RNF169: variants seen among roughly 807,000 people sequenced by gnomAD.
RNF169 encodes E3 ubiquitin-protein ligase RNF169.
In RNF169, 24 loss-of-function variants were observed where a neutral mutation model predicts 53.9. The ratio of observed to expected loss-of-function variants is 0.45; its 90% CI spans 0.32 to 0.63. The LOEUF is 0.63. RNF169 is among the 20% of genes least tolerant of loss of function. RNF169 has a pLI of 0.04. For synonymous variants in RNF169, 396 were observed against 363.5 expected (o/e 1.09, Z -1.02); for missense variants, 883 against 906.2 (o/e 0.97, Z 0.33).
At chr11:74,823,313 CA>C (rs1292896816) in intron 4 of RNF169, among the ~76,000 whole-genome samples, 1 of 152,080 alleles carries the variant, frequency 6.6e-6, no homozygotes, top group Non-Finnish European at 1.5e-5. Flanking sequence ...GCAAAATTGG[CA>C]GAGCAGGGAA....
intron 2 of RNF169, among the ~76,000 whole-genome samples, chr11:74,803,658 G>A (rs1285964316): frequency 6.6e-6 from 1 of 152,062 alleles, no homozygotes; most frequent in Non-Finnish European, 1.5e-5. Context: ...CAGCACCTGA[G>A]GTTTGTTAAC....
intron 2 of RNF169, among the ~76,000 whole-genome samples, chr11:74,802,935 G>C (rs949449309): frequency 1.3e-5 from 2 of 150,244 alleles, no homozygotes; most frequent in East Asian, 2.0e-4. Context: ...TTTGGGGGGG[G>C]GTGGGGACGG....
intron 1 of RNF169, among the ~76,000 whole-genome samples, chr11:74,764,317 C>T (rs1334437384): frequency 2.0e-5 from 3 of 151,996 alleles, no homozygotes; most frequent in Non-Finnish European, 2.9e-5. Context: ...GCGGATCGCT[C>T]AAGGTCAGGA....
rs544284678 is a variant in RNF169 at position 74,841,832 on chromosome 11, T to C, written c.*5102T>C. 2.6e-5 allele frequency: 4 copies of C among 152,350 alleles called. No homozygotes were observed. The highest frequency in any genetic ancestry group is 2.1e-4 in the South Asian group (1 of 4,828). The allele number at this position is 152,350 out of a possible 1,614,324, so 9.4% of individuals were successfully genotyped here. A position where few individuals can be genotyped will look rare whatever the true frequency, so the allele number is the denominator to read the frequency against. On this transcript the variant is annotated 3_prime_UTR_variant, in exon 6 of 6. Transcript: ENST00000299563. ...CCAGATTAATATAGCAGCAGGCAGA[T>C]TGCCCCTTCTTGGGGCCACCACCCT...
At chr11:74,807,119 C>A (rs1448556796) in intron 2 of RNF169, among the ~76,000 whole-genome samples, 1 of 152,038 alleles carries the variant, frequency 6.6e-6, no homozygotes, top group East Asian at 1.9e-4. Flanking sequence ...TAGTGGATGG[C>A]TTCATTCTAT....
chr11:74,825,793 T>TA (rs2036086034), intron 4 of RNF169, among the ~76,000 whole-genome samples: 8 of 152,204 alleles, frequency 5.3e-5, no homozygotes, highest in Admixed American at 3.9e-4. Flanking sequence ...TCAAAAAGCT[T>TA]ATCTGTCATG....
intron 2 of RNF169, among the ~76,000 whole-genome samples, chr11:74,790,379 T>G (rs1019600210): frequency 5.3e-5 from 8 of 152,210 alleles, no homozygotes; most frequent in African/African-American, 1.9e-4. Flanking sequence ...GCATCTAATA[T>G]TTTATAAATG....
chr11:74,750,593 T>A (rs1312492308), intron 1 of RNF169, among the ~76,000 whole-genome samples: 1 of 85,496 alleles, frequency 1.2e-5, no homozygotes, highest in African/African-American at 4.3e-5. Context: ...CTCACCTTTT[T>A]TTTTTTTTTT....
chr11:74,817,672 T>C lies in RNF169; in HGVS notation c.800T>C (p.Phe267Ser). 6.2e-7 allele frequency: 1 copy of C among 1,613,966 alleles called. No individual in the cohort carries two copies. Among genetic ancestry groups the C allele is most frequent in the South Asian group, 1.1e-5 (1 of 91,072 alleles). ...GQMTQTHRSA[F>S]VSKNNSYSLA... is the part of the protein sequence containing the mutation. ...ATGACACAGACACATCGCTCGGCAT[T>C]TGTTTCCAAGAACAACTCCTACTCC... The change falls in exon 4 of 6, where the codon TTT (phenylalanine) becomes TCT (serine). Residue 267 changes from phenylalanine (F) to serine (S), a missense_variant. By Grantham distance (155) the Phe-to-Ser change is radical. Transcript: ENST00000299563.
At chr11:74,751,800 A>G (rs1051471195) in intron 1 of RNF169, among the ~76,000 whole-genome samples, 3 of 152,252 alleles carry the variant, frequency 2.0e-5, no homozygotes, top group African/African-American at 4.8e-5. Flanking sequence ...AAATATTGCC[A>G]AAAGGCTTAG....
intron 2 of RNF169, among the ~76,000 whole-genome samples, chr11:74,793,626 G>A (rs2035608880): frequency 6.6e-6 from 1 of 152,190 alleles, no homozygotes; most frequent in Admixed American, 6.5e-5. Context: ...GGCCTACTAA[G>A]GACAGGGAGC....
intron 1 of RNF169, among the ~76,000 whole-genome samples, chr11:74,750,404 G>A (rs892705861): frequency 6.6e-6 from 1 of 151,980 alleles, no homozygotes; most frequent in Non-Finnish European, 1.5e-5. Flanking sequence ...TTTGGGTAAG[G>A]AAAGAGAGGC....
At chr11:74,763,503 AAC>A (rs901294083) in intron 1 of RNF169, among the ~76,000 whole-genome samples, 2 of 152,220 alleles carry the variant, frequency 1.3e-5, no homozygotes, top group African/African-American at 2.4e-5. Context: ...AGCATTATGA[AAC>A]ACACACATTT....
In RNF169 at chr11:74,836,354, G is replaced by T; in HGVS notation, c.1751G>T (p.Gly584Val). The change falls in exon 6 of 6, where the codon GGT becomes GTT. Residue 584 changes from glycine to valine, a missense_variant. By Grantham distance (109) the Gly-to-Val change is moderately radical. Transcript: ENST00000299563. Reference protein sequence around the residue: ...NSVLPQNSVLGGVLKTKQQLK... With the variant: ...NSVLPQNSVLVGVLKTKQQLK... ...GTGCTACCCCAAAACAGTGTTTTGG[G>T]TGGAGTCCTCAAAACAAAGCAACAA... 6.2e-7 allele frequency: 1 copy of T among 1,614,184 alleles called. No homozygotes were observed. The highest frequency in any genetic ancestry group is 8.5e-7 in the Non-Finnish European group (1 of 1,180,030).
intron 4 of RNF169, chr11:74,831,149 A>G (rs1205107794): frequency 6.6e-6 from 1 of 152,230 alleles, no homozygotes; most frequent in Admixed American, 6.5e-5. Flanking sequence ...AATTCTAGCC[A>G]GAAGAATTGG....
chr11:74,836,951 T>C lies in RNF169; in HGVS notation c.*221T>C, dbSNP rs1048449988. 2 of 467,196 alleles carry C rather than the reference T, an allele frequency of 4.3e-6. No individual in the cohort carries two copies. The highest frequency in any genetic ancestry group is 2.0e-5 in the African/African-American group (1 of 51,034). The allele number at this position is 467,196 out of a possible 1,614,324, so 28.9% of individuals were successfully genotyped here. On this transcript the variant is annotated 3_prime_UTR_variant, in exon 6 of 6. Coordinates refer to ENST00000299563, the MANE Select transcript of RNF169 (RefSeq NM_001098638.2). ...TGAGTGACCCATCCCTAAGGGCTTC[T>C]GGGCCAAACCTGGCAGCACCCACTG...
intron 1 of RNF169, among the ~76,000 whole-genome samples, chr11:74,758,505 C>CTT (rs967760598): frequency 3.5e-5 from 5 of 143,912 alleles, no homozygotes; most frequent in Non-Finnish European, 4.6e-5. Context: ...TCCATATGAA[C>CTT]TTTTTTTTTT....
At chr11:74,803,445 T>C (rs958348526) in intron 2 of RNF169, among the ~76,000 whole-genome samples, 5 of 152,204 alleles carry the variant, frequency 3.3e-5, no homozygotes, top group Non-Finnish European at 5.9e-5. Flanking sequence ...CTGGGTGTTA[T>C]GAAATATATT....
At chr11:74,764,290 T>C (rs796558801) in intron 1 of RNF169, among the ~76,000 whole-genome samples, 42 of 152,340 alleles carry the variant, frequency 2.8e-4, no homozygotes, top group African/African-American at 1.0e-3. Flanking sequence ...TCCCAGCACT[T>C]TGGGAGGCCG....
Sources: gnomAD v4.1 joint callset for allele counts (sites outside exome capture counted in the v4.1 genomes callset) on GRCh38, gnomAD v4.1.1 for gene constraint, MANE v1.5 for transcripts, NCBI Gene and HGNC (gene_info 2026-07-23, HGNC 2026-07-21) for gene names.